Variants in MEGF11 observed in about 807,000 individuals in gnomAD.
The protein encoded by MEGF11 is multiple EGF like domains 11.
A neutral mutation model predicts 146.6 loss-of-function variants in MEGF11; 126 were observed. The ratio of observed to expected loss-of-function variants is 0.86; its 90% CI spans 0.74 to 1.00. The LOEUF (loss-of-function observed/expected upper bound fraction) is 1.00, where lower values mean the gene tolerates loss of function less well. Ranked by LOEUF, MEGF11 falls within the 50% of genes least tolerant of loss-of-function variation. The pLI, the probability that MEGF11 is intolerant of heterozygous loss-of-function variation, is 0.00. For missense variants in MEGF11, 1,509 were observed against 1,521.2 expected (o/e 0.99, Z 0.13); for synonymous variants, 532 against 583.4 (o/e 0.91, Z 1.27).
chr15:66,079,781 A>T (rs926970811), intron 5 of MEGF11, among the ~76,000 whole-genome samples: 5 of 152,108 alleles, frequency 3.3e-5, no homozygotes, highest in African/African-American at 1.2e-4. Flanking sequence ...TCACAGGAAC[A>T]TGAGTGGGTG....
Position 66,164,082 on chromosome 15 carries a change from T to C in MEGF11, c.-8-35671A>G, listed in dbSNP as rs117690727. The stretch of plus-strand genomic sequence containing the variant: ...GGTTGTCTACCTGGGGGCAGGGTTG[T>C]TGGATTTGCAGGGGTGGGGTGGGGT... On this transcript the variant is annotated intron_variant, in intron 1 of 25. Coordinates refer to ENST00000395614, the MANE Select transcript of MEGF11 (RefSeq NM_001385028.1). 2.9e-3 allele frequency among the ~76,000 whole-genome samples: 437 copies of C among 152,208 alleles called. 3 individuals are homozygous for C. The highest frequency in any genetic ancestry group is 0.016 in the East Asian group (82 of 5,176).
intron 24 of MEGF11, among the ~76,000 whole-genome samples, chr15:65,899,757 C>T (rs2078446579): frequency 6.6e-6 from 1 of 152,130 alleles, no homozygotes; most frequent in Admixed American, 6.5e-5. Context: ...TTGCTTACCC[C>T]CCTGTTCTTG....
chr15:66,138,308 G>A (rs2088986516), intron 1 of MEGF11, among the ~76,000 whole-genome samples: 1 of 152,206 alleles, frequency 6.6e-6, no homozygotes, highest in Non-Finnish European at 1.5e-5. Context: ...TGGCTGCGGT[G>A]AGACTGCTAT....
intron 14 of MEGF11, 125 bp from the exon 15 acceptor site, chr15:65,922,597 C>T (rs2079212502): frequency 8.0e-6 from 11 of 1,367,116 alleles, no homozygotes; most frequent in Non-Finnish European, 1.1e-5. Context: ...TTGGAGGGCG[C>T]ATCCCTTTCT....
chr15:66,009,717 C>A (rs138727293), intron 5 of MEGF11, among the ~76,000 whole-genome samples: 2 of 151,946 alleles, frequency 1.3e-5, no homozygotes, highest in Admixed American at 6.6e-5. Flanking sequence ...CTCAGCCTCC[C>A]GAGTAGCTGG....
chr15:66,209,458 C>G (rs1191805989), intron 1 of MEGF11, among the ~76,000 whole-genome samples: 1 of 152,082 alleles, frequency 6.6e-6, no homozygotes, highest in East Asian at 1.9e-4. Flanking sequence ...AAAGCCTATA[C>G]AAGAATGTTG....
At chr15:66,000,095 C>A (rs2082318363) in intron 5 of MEGF11, among the ~76,000 whole-genome samples, 1 of 152,208 alleles carries the variant, frequency 6.6e-6, no homozygotes, top group African/African-American at 2.4e-5. Flanking sequence ...GGCATTTATC[C>A]ATCAGCCTCT....
At position 65,929,886 on chromosome 15, in the gene MEGF11, G is replaced by C. The variant is rs1424888475; in HGVS notation, c.1409-3C>G. On this transcript the variant is annotated splice_region_variant and splice_polypyrimidine_tract_variant and intron_variant, in intron 11 of 25. Coordinates refer to ENST00000395614, the MANE Select transcript of MEGF11 (RefSeq NM_001385028.1). ...GGTGCAGTCCAGGCCCTGCCACCCT[G>C]AGGGGAGGGAAAGGGACTGTCACTT... 1.3e-6 allele frequency: 2 copies of C among 1,594,058 alleles called. No homozygotes were observed. Among genetic ancestry groups the C allele is most frequent in the Middle Eastern group, 1.7e-4 (1 of 6,026 alleles).
intron 5 of MEGF11, among the ~76,000 whole-genome samples, chr15:66,065,301 GAA>G (rs111808815): frequency 2.7e-3 from 368 of 133,910 alleles, no homozygotes; most frequent in African/African-American, 9.3e-3. Context: ...CTATGATGGT[GAA>G]AAAAAAAAAA....
At chr15:66,019,802 A>C (rs1385752000) in intron 5 of MEGF11, among the ~76,000 whole-genome samples, 1 of 152,216 alleles carries the variant, frequency 6.6e-6, no homozygotes, top group Non-Finnish European at 1.5e-5. Flanking sequence ...CCTCACATGC[A>C]TCACTTATGC....
At position 66,095,495 on chromosome 15, in the gene MEGF11, C is replaced by T. The variant is rs140205508; in HGVS notation, c.302-1001G>A. 2.0e-4 allele frequency among the ~76,000 whole-genome samples: 30 copies of T among 152,306 alleles called. No individual in the cohort carries two copies. The East Asian group carries it at 5.0e-3, about 25-fold the overall frequency. On this transcript the variant is annotated intron_variant, in intron 4 of 25. Transcript: ENST00000395614. ...GAGACTTCTCTCTGCCCAGTACTGG[C>T]CTGGGCTAGGGGAGCAGATGGTCCC...
chr15:65,910,657 G>A (rs1287394352), intron 21 of MEGF11, among the ~76,000 whole-genome samples: 6 of 152,170 alleles, frequency 3.9e-5, no homozygotes, highest in African/African-American at 1.4e-4. Flanking sequence ...GTGGCCTTGG[G>A]GTGTTGGCTT....
intron 8 of MEGF11, among the ~76,000 whole-genome samples, chr15:65,968,072 C>A (rs2081172798): frequency 6.6e-6 from 1 of 151,896 alleles, no homozygotes; most frequent in Admixed American, 6.6e-5. Context: ...CATATTTCAG[C>A]CAATCTGAGG....
intron 5 of MEGF11, among the ~76,000 whole-genome samples, chr15:66,015,265 T>G (rs1275124575): frequency 1.3e-5 from 2 of 152,194 alleles, no homozygotes; most frequent in African/African-American, 4.8e-5. Context: ...TGGAATGAGC[T>G]TAGAGGTTTC....
intron 1 of MEGF11, among the ~76,000 whole-genome samples, chr15:66,182,139 AG>A (rs1277975765): frequency 1.3e-5 from 2 of 152,196 alleles, no homozygotes; most frequent in African/African-American, 2.4e-5. Flanking sequence ...CAGGTGGAAT[AG>A]GGAAGGAGAT....
chr15:66,011,720 C>CTATTAT (rs55863629), intron 5 of MEGF11, among the ~76,000 whole-genome samples: 4,426 of 149,378 alleles, frequency 0.03, 166 homozygotes, highest in African/African-American at 0.089. Flanking sequence ...GGGAATTTAG[C>CTATTAT]TATTATTATT....
At chr15:66,062,145 C>G (rs1387650006) in intron 5 of MEGF11, among the ~76,000 whole-genome samples, 1 of 152,220 alleles carries the variant, frequency 6.6e-6, no homozygotes, top group East Asian at 1.9e-4. Flanking sequence ...GTCACCTCTG[C>G]AAAGAGCAGG....
intron 10 of MEGF11, among the ~76,000 whole-genome samples, chr15:65,946,563 T>C (rs2080202123): frequency 6.6e-6 from 1 of 152,122 alleles, no homozygotes; most frequent in South Asian, 2.1e-4. Flanking sequence ...CGGCTAATTT[T>C]TGTATTTTTA....
In MEGF11 at chr15:66,097,717, G is replaced by A. The variant is rs574982586; in HGVS notation, c.302-3223C>T. Among the ~76,000 whole-genome samples, 38 of 137,712 alleles carry A rather than the reference G, an allele frequency of 2.8e-4. 1 individual carries two copies. In the South Asian group the frequency reaches 6.9e-3, roughly 25 times the overall value. The allele number at this position is 137,712 out of a possible 152,430, so 90.3% of individuals were successfully genotyped here. On this transcript the variant is annotated intron_variant, in intron 4 of 25. Coordinates refer to ENST00000395614, the MANE Select transcript of MEGF11 (RefSeq NM_001385028.1). ...CTGCTTCTGACCTCCCAGTGTGCTA[G>A]AAGCCTTCTAGCGAGACTCCATCTC...
Sources: allele counts gnomAD v4.1 joint callset (sites outside exome capture counted in the v4.1 genomes callset), GRCh38; gene constraint gnomAD v4.1.1; transcripts MANE v1.5; gene names NCBI Gene and HGNC (gene_info 2026-07-23, HGNC 2026-07-21).